Variants in LBP observed in about 807,000 individuals in gnomAD.
LBP encodes lipopolysaccharide-binding protein.
LBP carries 53 observed loss-of-function variants against 56.6 expected under a neutral mutation model. That is an observed-to-expected ratio of 0.94 (90% confidence interval 0.75 to 1.18). LBP has a LOEUF of 1.18. Ranked by LOEUF, LBP falls within the 50% of genes most tolerant of loss-of-function variation. LBP has a pLI of 0.00. For missense variants in LBP, 601 were observed against 598.3 expected, an observed-to-expected ratio of 1.00 and a Z score of -0.05; for synonymous variants, 227 against 247.5, an observed-to-expected ratio of 0.92 and a Z score of 0.78.
Position 38,364,032 on chromosome 20 carries a change from G to A in LBP, c.710G>A (p.Arg237Gln), listed in dbSNP as rs764270327. Reference sequence around the variant, plus strand: ...GATTATAGCTTAGTGGAAGCCCCTCGGGCAACAGCCCAGATGCTGGAGGTG... The same window carrying A: ...GATTATAGCTTAGTGGAAGCCCCTCAGGCAACAGCCCAGATGCTGGAGGTG... ...DIDYSLVEAP[R>Q]ATAQMLEVMF... Residue 237 changes from arginine (R) to glutamine (Q), a missense_variant, in exon 7 of 15, where the codon CGG becomes CAG. Coordinates refer to ENST00000217407, the MANE Select transcript of LBP (RefSeq NM_004139.5). 25 of 1,613,736 alleles carry A rather than the reference G, an allele frequency of 1.5e-5. No individual in the cohort carries two copies. The highest frequency in any genetic ancestry group is 2.2e-5 in the South Asian group (2 of 91,074).
intron 14 of LBP, among the ~76,000 whole-genome samples, chr20:38,374,544 C>T (rs564612354): frequency 3.3e-5 from 5 of 150,090 alleles, no homozygotes; most frequent in African/African-American, 1.2e-4. Flanking sequence ...TTGCAGTGAG[C>T]CGAGATCACG....
rs759701019 is a variant in LBP at position 38,364,629 on chromosome 20, C to T, written c.798C>T (p.Val266=). The T allele has an allele frequency of 6.8e-6, 11 of 1,614,158 alleles. No individual in the cohort carries two copies. In the South Asian group the frequency reaches 1.1e-4, roughly 16 times the overall value. Residue 266 remains valine, a synonymous_variant, in exon 8 of 15, where the codon GTC becomes GTT. Transcript: ENST00000217407. ...CTCCAGTTACCCTCCTTGCTGCAGT[C>T]ATGAGCCTTCCTGAGGAACACAACA... ...HRSPVTLLAA[V]MSLPEEHNKM... is the part of the protein sequence containing the mutation.
At position 38,354,292 on chromosome 20, in the gene LBP, AG is replaced by A; in HGVS notation, c.380del (p.Gly127AlafsTer52). 1 of 1,613,052 alleles carries A rather than the reference AG, an allele frequency of 6.2e-7. No individual in the cohort carries two copies. Among genetic ancestry groups the A allele is most frequent in the Non-Finnish European group, 8.5e-7 (1 of 1,179,512 alleles). On this transcript the variant is annotated frameshift_variant, in exon 4 of 15. Coordinates refer to ENST00000217407, the MANE Select transcript of LBP (RefSeq NM_004139.5). LOFTEE classifies it high-confidence loss of function. ...WKVRKSFFKL[Q>X]GSFDVSVKGI... is the part of the protein sequence containing the mutation. The stretch of plus-strand genomic sequence containing the variant: ...TCTCTTACCTCCTCCAGCAAACTAC[AG>A]GGCTCCTTTGATGTCAGTGTCAAGG...
chr20:38,364,799 C>T (rs755962232), intron 8 of LBP, 47 bp downstream of exon 8: 42 of 1,518,196 alleles, frequency 2.8e-5, no homozygotes, highest in Middle Eastern at 1.8e-4. Flanking sequence ...CATAACCTAC[C>T]GCTCCTTCCT....
intron 3 of LBP, among the ~76,000 whole-genome samples, chr20:38,352,684 G>A (rs1195200476): frequency 1.3e-5 from 2 of 152,218 alleles, no homozygotes; most frequent in African/African-American, 4.8e-5. Flanking sequence ...TAGCCTGGGA[G>A]GCGGAGGTTG....
Position 38,349,579 on chromosome 20 carries a change from T to C in LBP, c.156T>C (p.Ser52=). ...AAQEGLLALQ[S]ELLRITLPDF... ...AGGAGGGGCTATTAGCTCTGCAGAG[T>C]GAGCTGCTCAGGATCACGCTGCCTG... Residue 52 remains serine (S), a synonymous_variant, in exon 2 of 15, where the codon AGT becomes AGC. Transcript: ENST00000217407. 6.2e-7 allele frequency: 1 copy of C among 1,609,658 alleles called. No homozygotes were observed.
chr20:38,370,689 C>T (rs1184246688), intron 10 of LBP, 49 bp from the exon 11 acceptor site: 2 of 1,507,496 alleles, frequency 1.3e-6, no homozygotes, highest in Non-Finnish European at 1.8e-6. Flanking sequence ...CCTTCCTATA[C>T]ATACAACCTT....
chr20:38,368,803 T>C (rs1391965473), intron 9 of LBP, among the ~76,000 whole-genome samples, 192 bp from the exon 10 acceptor site: 3 of 152,086 alleles, frequency 2.0e-5, no homozygotes, highest in African/African-American at 7.2e-5. Flanking sequence ...AGCCGTGAAA[T>C]AGATGGTGCA....
intron 6 of LBP, among the ~76,000 whole-genome samples, chr20:38,362,263 T>C (rs532593904): frequency 1.4e-5 from 2 of 145,724 alleles, no homozygotes; most frequent in Admixed American, 1.4e-4. Flanking sequence ...GGTTTCACCA[T>C]GTTAGCCAGG....
At chr20:38,370,313 C>A (rs541558773) in intron 10 of LBP, among the ~76,000 whole-genome samples, 1 of 152,198 alleles carries the variant, frequency 6.6e-6, no homozygotes, top group East Asian at 1.9e-4. Flanking sequence ...GAGATTGAGG[C>A]TGCAGTGAGC....
chr20:38,362,190 C>T lies in LBP; in HGVS notation c.652+1423C>T, dbSNP rs564425592. Among the ~76,000 whole-genome samples, 538 of 150,710 alleles carry T rather than the reference C, an allele frequency of 3.6e-3. 2 individuals carry two copies. Among genetic ancestry groups the T allele is most frequent in the African/African-American group, 0.013 (525 of 41,166 alleles). Reference sequence around the variant, plus strand: ...TCTCCTGTCTCAGCCTCGCGAGTAGCTGGGACTACAGGCGCCCGCCACCAC... The same window carrying T: ...TCTCCTGTCTCAGCCTCGCGAGTAGTTGGGACTACAGGCGCCCGCCACCAC... On this transcript the variant is annotated intron_variant, in intron 6 of 14. Coordinates refer to ENST00000217407, the MANE Select transcript of LBP (RefSeq NM_004139.5).
At chr20:38,350,754 T>G in intron 2 of LBP, 57 bp from the exon 3 acceptor site, 1 of 1,558,086 alleles carries the variant, frequency 6.4e-7, no homozygotes, top group East Asian at 2.3e-5. Flanking sequence ...GCAAGGTCCC[T>G]GGTGAGGCTG....
At chr20:38,375,676 T>G (rs2083954720) in intron 14 of LBP, among the ~76,000 whole-genome samples, 1 of 152,232 alleles carries the variant, frequency 6.6e-6, no homozygotes, top group South Asian at 2.1e-4. Flanking sequence ...TTTTCATTAT[T>G]CAAACTATTA....
chr20:38,374,346 C>A (rs1315240307), intron 14 of LBP, among the ~76,000 whole-genome samples: 1 of 152,160 alleles, frequency 6.6e-6, no homozygotes, highest in African/African-American at 2.4e-5. Flanking sequence ...CGCCTGTAAT[C>A]CCAGCACTTT....
intron 9 of LBP, among the ~76,000 whole-genome samples, chr20:38,368,392 G>T (rs1384335601): frequency 6.6e-6 from 1 of 152,160 alleles, no homozygotes; most frequent in Non-Finnish European, 1.5e-5. Flanking sequence ...CTGAGGTCAG[G>T]AGTTCAAGAC....
intron 7 of LBP, 55 bp from the exon 8 acceptor site, chr20:38,364,521 C>T: frequency 1.3e-6 from 2 of 1,555,896 alleles, no homozygotes; most frequent in Non-Finnish European, 1.8e-6. Flanking sequence ...AATACCTAGC[C>T]CCTGCCCCAC....
chr20:38,364,795 C>G (rs780962051), intron 8 of LBP, 43 bp downstream of exon 8: 2 of 1,526,114 alleles, frequency 1.3e-6, no homozygotes, highest in Admixed American at 1.9e-5. Context: ...AACACATAAC[C>G]TACCGCTCCT....
In LBP at chr20:38,360,763, GC is replaced by G; in HGVS notation, c.650del (p.Pro217GlnfsTer16). 1 of 1,609,664 alleles carries G rather than the reference GC, an allele frequency of 6.2e-7. No individual in the cohort carries two copies. Among genetic ancestry groups the G allele is most frequent in the Non-Finnish European group, 8.5e-7 (1 of 1,176,132 alleles). ...ATCTACAGCCTTATCTCCAAACTCT[GC>G]CAGGTAGGACACCCCATCCATCCCG... is the stretch of plus-strand genomic sequence containing the variant. ...SDLQPYLQTL[P>X]VTTEIDSFAD... On this transcript the variant is annotated frameshift_variant, in exon 6 of 15. Transcript: ENST00000217407. LOFTEE classifies it high-confidence loss of function.
rs1014850931 is a variant in LBP, at chr20:38,354,284, C to A, written c.369C>A (p.Phe123Leu). Reference sequence around the variant, plus strand: ...CCATGGCTTCTCTTACCTCCTCCAGCAAACTACAGGGCTCCTTTGATGTCA... The same window carrying A: ...CCATGGCTTCTCTTACCTCCTCCAGAAAACTACAGGGCTCCTTTGATGTCA... Reference protein sequence around the residue: ...QGRWKVRKSFFKLQGSFDVSV... With the variant: ...QGRWKVRKSFLKLQGSFDVSV... The change falls in exon 4 of 15, where the codon TTC (phenylalanine) becomes TTA (leucine). Residue 123 changes from phenylalanine to leucine, a missense_variant and splice_region_variant. Transcript: ENST00000217407. 6.2e-7 allele frequency: 1 copy of A among 1,610,740 alleles called. No homozygotes were observed. Among genetic ancestry groups the A allele is most frequent in the African/African-American group, 1.3e-5 (1 of 74,808 alleles).
Sources: gnomAD v4.1 joint callset for allele counts (sites outside exome capture counted in the v4.1 genomes callset) on GRCh38, gnomAD v4.1.1 for gene constraint, MANE v1.5 for transcripts, NCBI Gene and HGNC (gene_info 2026-07-23, HGNC 2026-07-21) for gene names.